Variants in ISOC1 observed in about 807,000 individuals in gnomAD.
The protein encoded by ISOC1 is isochorismatase domain containing 1, also known as isochorismatase domain-containing protein 1.
Under a neutral mutation model 30.0 loss-of-function variants are expected in ISOC1, and 33 were observed. The ratio of observed to expected loss-of-function variants is 1.10; its 90% CI spans 0.83 to 1.47. The LOEUF (loss-of-function observed/expected upper bound fraction) is 1.47, where lower values mean the gene tolerates loss of function less well. ISOC1 is among the 40% of genes most tolerant of loss of function. The probability of loss-of-function intolerance (pLI) is 0.00; values close to 1 mark genes in which losing one functional copy is unlikely to be tolerated. For synonymous variants in ISOC1, 178 were observed against 159.8 expected (o/e 1.11, Z -0.86); for missense variants, 372 against 388.0 (o/e 0.96, Z 0.35).
At chr5:129,098,081 T>C (rs73784851) in intron 1 of ISOC1, among the ~76,000 whole-genome samples, 8,952 of 152,254 alleles carry the variant, frequency 0.059, 399 homozygotes, top group African/African-American at 0.12. Flanking sequence ...GCTCACGTAC[T>C]GTTAGTCTAG....
In ISOC1 at chr5:129,104,955, G is replaced by C. The variant is rs1332530862; in HGVS notation, c.310-1G>C. The stretch of plus-strand genomic sequence containing the variant: ...AATCATTCTTTTTCTTTTTTCCTCA[G>C]CTCACTACCCTGGGAAATCTTACAC... On this transcript the variant is annotated splice_acceptor_variant, in intron 1 of 4. Transcript: ENST00000173527. LOFTEE classifies it high-confidence loss of function. The C allele has an allele frequency of 6.2e-7, 1 of 1,611,970 alleles. No homozygotes were observed. The highest frequency in any genetic ancestry group is 8.5e-7 in the Non-Finnish European group (1 of 1,179,350).
intron 1 of ISOC1, among the ~76,000 whole-genome samples, chr5:129,103,142 A>T (rs907782395): frequency 1.4e-4 from 21 of 152,190 alleles, no homozygotes; most frequent in African/African-American, 5.1e-4. Context: ...GTGGATGCCT[A>T]CGAGTCCATG....
chr5:129,107,595 A>AT (rs1223246023), intron 4 of ISOC1, among the ~76,000 whole-genome samples: 3 of 151,736 alleles, frequency 2.0e-5, no homozygotes, highest in African/African-American at 7.3e-5. Context: ...TTTACATTGT[A>AT]TTGGGTATTA....
intron 4 of ISOC1, 102 bp downstream of exon 4, chr5:129,107,164 G>C (rs954737022): frequency 2.2e-6 from 2 of 927,712 alleles, no homozygotes; most frequent in Non-Finnish European, 3.5e-6. Flanking sequence ...TCCTAAATTT[G>C]AGTTGGTCTG....
intron 1 of ISOC1, among the ~76,000 whole-genome samples, chr5:129,100,991 A>G (rs933701262): frequency 2.0e-4 from 29 of 147,452 alleles, no homozygotes; most frequent in Non-Finnish European, 1.0e-4. Context: ...GAGAGTTCCT[A>G]TATTCCTGTA....
At position 129,105,081 on chromosome 5, in the gene ISOC1, C is replaced by G. The variant is rs1419339913; in HGVS notation, c.429+6C>G. 3.1e-6 allele frequency: 5 copies of G among 1,613,718 alleles called. No individual in the cohort carries two copies. The highest frequency in any genetic ancestry group is 4.2e-6 in the Non-Finnish European group (5 of 1,179,730). The stretch of plus-strand genomic sequence containing the variant: ...TTAGCGTGGGACAGAGATTGGTATG[C>G]TTGTTTACTTATTTGGTCATATTTG... On this transcript the variant is annotated splice_donor_region_variant and intron_variant, in intron 2 of 4. Transcript: ENST00000173527.
intron 4 of ISOC1, among the ~76,000 whole-genome samples, chr5:129,107,300 C>T (rs1288418146): frequency 6.6e-6 from 1 of 152,168 alleles, no homozygotes; most frequent in Admixed American, 6.5e-5. Flanking sequence ...AACTCCTTTA[C>T]ATCTTTCGTC....
At chr5:129,108,740 G>A (rs1487951207) in intron 4 of ISOC1, among the ~76,000 whole-genome samples, 1 of 152,152 alleles carries the variant, frequency 6.6e-6, no homozygotes, top group African/African-American at 2.4e-5. Context: ...TCGAACTCCT[G>A]ACCTCAGGTG....
Position 129,113,063 on chromosome 5 carries a change from C to A in ISOC1, c.*62C>A. ...GGACAGTCAGGTGAAGGACTGTAAG[C>A]CCACACAAGCTCTTCTTATCTCTAC... is the stretch of plus-strand genomic sequence containing the variant. On this transcript the variant is annotated 3_prime_UTR_variant, in exon 5 of 5. Coordinates refer to ENST00000173527, the MANE Select transcript of ISOC1 (RefSeq NM_016048.2). 1 of 1,439,784 alleles carries A rather than the reference C, an allele frequency of 6.9e-7. No individual in the cohort carries two copies. The highest frequency in any genetic ancestry group is 9.4e-7 in the Non-Finnish European group (1 of 1,059,620). 89.2% of individuals were successfully genotyped at this position (1,439,784 alleles called of 1,614,324 possible).
rs959524556 is a variant in ISOC1 at position 129,113,894 on chromosome 5, A to G, written c.*893A>G. On this transcript the variant is annotated 3_prime_UTR_variant, in exon 5 of 5. Coordinates refer to ENST00000173527, the MANE Select transcript of ISOC1 (RefSeq NM_016048.2). Reference sequence around the variant, plus strand: ...CAAAAAGTCTCAGTAATGATTTGGTAGTATTAATTTTGTGGTCATTGTTTC... The same window carrying G: ...CAAAAAGTCTCAGTAATGATTTGGTGGTATTAATTTTGTGGTCATTGTTTC... The G allele has an allele frequency of 7.2e-5, 11 of 152,196 alleles. No homozygotes were observed. Among genetic ancestry groups the G allele is most frequent in the Non-Finnish European group, 1.5e-4 (10 of 68,038 alleles). The allele number at this position is 152,196 out of a possible 1,614,324, so 9.4% of individuals were successfully genotyped here. A position where few individuals can be genotyped will look rare whatever the true frequency, so the allele number is the denominator to read the frequency against.
chr5:129,095,167 C>G (rs1369435297), intron 1 of ISOC1, 92 bp downstream of exon 1: 2 of 1,286,502 alleles, frequency 1.6e-6, no homozygotes, highest in Non-Finnish European at 2.1e-6. Context: ...CTCAGGTGCC[C>G]CGAGCCGCCC....
chr5:129,105,084 G>A lies in ISOC1; in HGVS notation c.429+9G>A. ...GCGTGGGACAGAGATTGGTATGCTT[G>A]TTTACTTATTTGGTCATATTTGCTG... On this transcript the variant is annotated intron_variant, in intron 2 of 4. Coordinates refer to ENST00000173527, the MANE Select transcript of ISOC1 (RefSeq NM_016048.2). The A allele has an allele frequency of 6.2e-7, 1 of 1,613,670 alleles. No homozygotes were observed. Among genetic ancestry groups the A allele is most frequent in the Non-Finnish European group, 8.5e-7 (1 of 1,179,724 alleles).
intron 1 of ISOC1, among the ~76,000 whole-genome samples, chr5:129,101,192 A>AATATATATATATATATATAT (rs1554064628): frequency 1.2e-4 from 5 of 42,236 alleles, no homozygotes; most frequent in African/African-American, 9.2e-4. Flanking sequence ...AAAAAAAAAA[A>AATATATATATATATATATAT]ATATATATAT....
At chr5:129,100,018 C>T (rs568489628) in intron 1 of ISOC1, among the ~76,000 whole-genome samples, 28 of 152,276 alleles carry the variant, frequency 1.8e-4, no homozygotes, top group Admixed American at 3.3e-4. Context: ...GGAGTCACAT[C>T]ACAGACCTCT....
At position 129,105,004 on chromosome 5, in the gene ISOC1, T is replaced by C. The variant is rs1354298500; in HGVS notation, c.358T>C (p.Cys120Arg). ...ACCTTCAAGCACTGTGTTTTTCTGC[T>C]GTGATATGCAGGAAAGGTTCAGACC... Reference protein sequence around the residue: ...LTPSSTVFFCCDMQERFRPAI... With the variant: ...LTPSSTVFFCRDMQERFRPAI... Residue 120 changes from cysteine to arginine, a missense_variant, in exon 2 of 5, where the codon TGT becomes CGT. By Grantham distance (180) the Cys-to-Arg change is radical. Coordinates refer to ENST00000173527, the MANE Select transcript of ISOC1 (RefSeq NM_016048.2). The C allele has an allele frequency of 4.3e-6, 7 of 1,613,738 alleles. No homozygotes were observed. The highest frequency in any genetic ancestry group is 5.9e-6 in the Non-Finnish European group (7 of 1,179,674).
At chr5:129,107,188 A>G (rs1753648537) in intron 4 of ISOC1, 126 bp downstream of exon 4, 1 of 696,436 alleles carries the variant, frequency 1.4e-6, no homozygotes, top group Non-Finnish European at 2.6e-6. Context: ...ATATCAGACT[A>G]ATTGATTTCA....
rs973003609 is a variant in ISOC1, at chr5:129,113,273, T to C, written c.*272T>C. Reference sequence around the variant, plus strand: ...AAAATTACAATGAAGATGCCTGTTTTGTCTCTACTGTGTACTCTGATCGTA... The same window carrying C: ...AAAATTACAATGAAGATGCCTGTTTCGTCTCTACTGTGTACTCTGATCGTA... On this transcript the variant is annotated 3_prime_UTR_variant, in exon 5 of 5. Coordinates refer to ENST00000173527, the MANE Select transcript of ISOC1 (RefSeq NM_016048.2). 2 of 299,868 alleles carry C rather than the reference T, an allele frequency of 6.7e-6. No individual in the cohort carries two copies. The highest frequency in any genetic ancestry group is 2.2e-5 in the African/African-American group (1 of 46,142). The allele number at this position is 299,868 out of a possible 1,614,324, so 18.6% of individuals were successfully genotyped here.
chr5:129,108,807 C>T (rs73235863), intron 4 of ISOC1, among the ~76,000 whole-genome samples: 10,107 of 152,144 alleles, frequency 0.066, 653 homozygotes, highest in African/African-American at 0.17. Context: ...CCACTGTGCC[C>T]GGTCAGACCT....
At chr5:129,096,365 G>A (rs938411706) in intron 1 of ISOC1, among the ~76,000 whole-genome samples, 3 of 151,862 alleles carry the variant, frequency 2.0e-5, no homozygotes, top group Non-Finnish European at 4.4e-5. Context: ...GTTTTTTTCC[G>A]CTGTAGTTGG....
Sources: allele counts gnomAD v4.1 joint callset (sites outside exome capture counted in the v4.1 genomes callset), GRCh38; gene constraint gnomAD v4.1.1; transcripts MANE v1.5; gene names NCBI Gene and HGNC (gene_info 2026-07-23, HGNC 2026-07-21).